PPARGC1A: variants seen among roughly 807,000 people sequenced by gnomAD.
PPARGC1A encodes PPARG coactivator 1 alpha.
A neutral mutation model predicts 88.7 loss-of-function variants in PPARGC1A; 25 were observed. The observed-to-expected ratio is 0.28, with a 90% CI of 0.21 to 0.39. PPARGC1A has a LOEUF of 0.39. Among genes scored for constraint, PPARGC1A ranks in the 10% least tolerant of loss-of-function variants. The probability of loss-of-function intolerance (pLI) is 1.00; values close to 1 mark genes in which losing one functional copy is unlikely to be tolerated. For synonymous variants in PPARGC1A, 363 were observed against 355.6 expected, an observed-to-expected ratio of 1.02 and a Z score of -0.24; for missense variants, 880 against 968.7, an observed-to-expected ratio of 0.91 and a Z score of 1.22.
the PPARGC1A span, among the ~76,000 whole-genome samples, chr4:24,353,977 C>A: frequency 1.3e-5 from 2 of 152,192 alleles, no homozygotes; most frequent in East Asian, 3.8e-4. Context: ...TACACCAATA[C>A]AAATTTATTT....
the PPARGC1A span, among the ~76,000 whole-genome samples, chr4:24,230,507 G>A: frequency 1.8e-3 from 280 of 152,248 alleles, no homozygotes; most frequent in African/African-American, 6.5e-3. Flanking sequence ...ATGGGGCAGT[G>A]AACACAGCCT....
the PPARGC1A span, among the ~76,000 whole-genome samples, chr4:24,230,008 A>T: frequency 1.8e-4 from 28 of 152,124 alleles, no homozygotes; most frequent in South Asian, 6.2e-4. Context: ...CAGCATCAAA[A>T]CTCATTACCA....
chr4:24,314,615 G>A, the PPARGC1A span, among the ~76,000 whole-genome samples: 9 of 152,164 alleles, frequency 5.9e-5, no homozygotes, highest in African/African-American at 1.9e-4. Flanking sequence ...TTAATTAAAA[G>A]AAAGATTTGC....
At chr4:24,361,667 T>C in the PPARGC1A span, among the ~76,000 whole-genome samples, 3 of 152,226 alleles carry the variant, frequency 2.0e-5, no homozygotes, top group Non-Finnish European at 2.9e-5. Flanking sequence ...AGGAAAAATC[T>C]AGTGTTATTT....
the PPARGC1A span, among the ~76,000 whole-genome samples, chr4:23,951,868 T>C: frequency 1.3e-5 from 2 of 152,284 alleles, no homozygotes; most frequent in African/African-American, 4.8e-5. Context: ...CATTCATCAG[T>C]GATATGTGTA....
chr4:23,901,820 A>C (rs16874306), upstream of PPARGC1A, among the ~76,000 whole-genome samples: 1,151 of 152,232 alleles, frequency 7.6e-3, 55 homozygotes, highest in East Asian at 0.13. Context: ...CAATCATATA[A>C]TCGCTTCTTA....
At chr4:24,431,612 C>T in the PPARGC1A span, among the ~76,000 whole-genome samples, 5 of 152,144 alleles carry the variant, frequency 3.3e-5, no homozygotes, top group African/African-American at 1.2e-4. Context: ...GAAAGACCGT[C>T]GAATGTGCTG....
chr4:24,050,411 T>C, the PPARGC1A span, among the ~76,000 whole-genome samples: 1 of 151,926 alleles, frequency 6.6e-6, no homozygotes, highest in African/African-American at 2.4e-5. Context: ...TTGGTCAGGG[T>C]GGTCTCTAGC....
chr4:23,965,388 C>T, the PPARGC1A span, among the ~76,000 whole-genome samples: 3 of 152,110 alleles, frequency 2.0e-5, no homozygotes, highest in African/African-American at 4.8e-5. Flanking sequence ...AGTGGGGGTG[C>T]TTAATAAAAG....
chr4:24,440,311 G>A, the PPARGC1A span, among the ~76,000 whole-genome samples: 2 of 152,144 alleles, frequency 1.3e-5, no homozygotes, highest in African/African-American at 4.8e-5. Flanking sequence ...GGAGACATTT[G>A]TTGAATTTTT....
the PPARGC1A span, among the ~76,000 whole-genome samples, chr4:24,090,542 T>C: frequency 6.6e-6 from 1 of 152,256 alleles, no homozygotes; most frequent in African/African-American, 2.4e-5. Flanking sequence ...CATTTTTATA[T>C]GAAAGTTTCT....
chr4:24,241,330 C>T, the PPARGC1A span, among the ~76,000 whole-genome samples: 2 of 152,162 alleles, frequency 1.3e-5, no homozygotes, highest in Non-Finnish European at 2.9e-5. Flanking sequence ...GGGTGTCTAG[C>T]TCTTTTCTGG....
chr4:24,348,191 G>A, the PPARGC1A span, among the ~76,000 whole-genome samples: 1 of 152,170 alleles, frequency 6.6e-6, no homozygotes, highest in South Asian at 2.1e-4. Flanking sequence ...AATCTGACAG[G>A]TTTTCCTCAT....
intron 5 of PPARGC1A, among the ~76,000 whole-genome samples, chr4:23,826,720 T>C (rs1437036768): frequency 1.3e-5 from 2 of 152,130 alleles, no homozygotes; most frequent in East Asian, 3.9e-4. Context: ...ATTTTGTCTG[T>C]TTGTCAACAG....
chr4:24,232,481 G>C, the PPARGC1A span, among the ~76,000 whole-genome samples: 7 of 152,146 alleles, frequency 4.6e-5, no homozygotes, highest in African/African-American at 1.7e-4. Flanking sequence ...TTATATAGAA[G>C]TACTTGACCT....
the PPARGC1A span, among the ~76,000 whole-genome samples, chr4:24,414,050 C>T: frequency 1.3e-5 from 2 of 152,276 alleles, no homozygotes; most frequent in East Asian, 3.9e-4. Context: ...GCTCTGAAAC[C>T]ACCATGAGAC....
the PPARGC1A span, among the ~76,000 whole-genome samples, chr4:24,424,038 A>G: frequency 6.6e-6 from 1 of 152,174 alleles, no homozygotes; most frequent in Non-Finnish European, 1.5e-5. Context: ...AAAAGTAAAG[A>G]TCTTGAGAAG....
chr4:24,080,879 C>A, the PPARGC1A span, among the ~76,000 whole-genome samples: 2 of 152,020 alleles, frequency 1.3e-5, no homozygotes, highest in Non-Finnish European at 2.9e-5. Flanking sequence ...TTCAAGTAAG[C>A]ACGATTTGTT....
chr4:24,165,132 C>T, the PPARGC1A span, among the ~76,000 whole-genome samples: 1 of 151,910 alleles, frequency 6.6e-6, no homozygotes, highest in Admixed American at 6.6e-5. Context: ...TATTAGGACC[C>T]TTTTTCCATA....
Sources: allele counts gnomAD v4.1 joint callset (sites outside exome capture counted in the v4.1 genomes callset), GRCh38; gene constraint gnomAD v4.1.1; transcripts MANE v1.5; gene names NCBI Gene and HGNC (gene_info 2026-07-23, HGNC 2026-07-21).